Variants in CDC14B observed in about 807,000 individuals in gnomAD.
CDC14B encodes the protein dual specificity protein phosphatase CDC14B.
Under a neutral mutation model 64.2 loss-of-function variants are expected in CDC14B, and 22 were observed. The observed-to-expected ratio is 0.34, with a 90% CI of 0.24 to 0.49. CDC14B has a LOEUF of 0.49. Among genes scored for constraint, CDC14B ranks in the 20% least tolerant of loss-of-function variants. The probability of loss-of-function intolerance (pLI) is 0.99; values close to 1 mark genes in which losing one functional copy is unlikely to be tolerated. For missense variants in CDC14B, 498 were observed against 629.9 expected, an observed-to-expected ratio of 0.79 and a Z score of 2.24; for synonymous variants, 191 against 215.8, an observed-to-expected ratio of 0.89 and a Z score of 1.01.
downstream of CDC14B, among the ~76,000 whole-genome samples, chr9:96,495,642 G>C (rs1833211116): frequency 6.6e-6 from 1 of 152,214 alleles, no homozygotes; most frequent in African/African-American, 2.4e-5. Flanking sequence ...CAGCGGTGAT[G>C]CTGGGGAAGT....
chr9:96,497,355 G>A (rs879102391), downstream of CDC14B, among the ~76,000 whole-genome samples: 79 of 152,362 alleles, frequency 5.2e-4, 1 homozygote, highest in South Asian at 1.5e-3. Context: ...AGGGACCCCC[G>A]AGGCGCTGGG....
chr9:96,588,174 C>T (rs933052014), intron 1 of CDC14B, among the ~76,000 whole-genome samples: 12 of 152,068 alleles, frequency 7.9e-5, no homozygotes, highest in East Asian at 1.9e-4. Flanking sequence ...TGTGTGGAAA[C>T]GCAGGAGAGG....
chr9:96,531,704 AATT>A (rs1303436150), intron 9 of CDC14B, among the ~76,000 whole-genome samples: 1 of 152,166 alleles, frequency 6.6e-6, no homozygotes, highest in Non-Finnish European at 1.5e-5. Context: ...GCAAACGACA[AATT>A]ATTTTACAAA....
chr9:96,567,170 G>A (rs1488830503), intron 1 of CDC14B: 2 of 354,216 alleles, frequency 5.6e-6, no homozygotes, highest in East Asian at 1.3e-4. Flanking sequence ...GCTCCGCAGA[G>A]GGGACATGCG....
chr9:96,579,892 CTA>C (rs1845042564), intron 1 of CDC14B, among the ~76,000 whole-genome samples: 1 of 152,060 alleles, frequency 6.6e-6, no homozygotes, highest in South Asian at 2.1e-4. Context: ...GAATGCTCTA[CTA>C]TTTTTATCTT....
chr9:96,538,741 T>C, intron 7 of CDC14B: 1 of 194,728 alleles, frequency 5.1e-6, no homozygotes, highest in Non-Finnish European at 1.0e-5. Context: ...TTTTTCAATT[T>C]AAAAAAAGAA....
intron 1 of CDC14B, among the ~76,000 whole-genome samples, chr9:96,588,684 G>C (rs989195238): frequency 6.6e-6 from 1 of 152,036 alleles, no homozygotes; most frequent in African/African-American, 2.4e-5. Context: ...ACAAGGTCTT[G>C]CTATGTTAAC....
At position 96,503,605 on chromosome 9, in the gene CDC14B, C is replaced by G. The variant is rs1587712583; in HGVS notation, c.*148G>C. On this transcript the variant is annotated 3_prime_UTR_variant, in exon 14 of 14. Transcript: ENST00000375241. ...AAACTCAAAGTTCATTATTCAAACT[C>G]CAGTGGACATTTTCTCCATTGATCA... 7 of 667,736 alleles carry G rather than the reference C, an allele frequency of 1.0e-5. No individual in the cohort carries two copies. In the East Asian group the frequency reaches 1.9e-4, roughly 18 times the overall value. 41.4% of individuals were successfully genotyped at this position (667,736 alleles called of 1,614,324 possible).
chr9:96,595,177 A>G (rs145432021), intron 1 of CDC14B, among the ~76,000 whole-genome samples: 1 of 152,188 alleles, frequency 6.6e-6, no homozygotes. Context: ...TTAGCCCTCA[A>G]CTAAGCATTG....
intron 12 of CDC14B, among the ~76,000 whole-genome samples, chr9:96,516,672 C>T (rs1835713697): frequency 6.6e-6 from 1 of 152,130 alleles, no homozygotes; most frequent in Admixed American, 6.5e-5. Flanking sequence ...TACAGGGTTT[C>T]ACCACGTTGG....
chr9:96,494,321 A>G (rs1833162208), intron 13 of CDC14B, among the ~76,000 whole-genome samples: 1 of 152,248 alleles, frequency 6.6e-6, no homozygotes, highest in African/African-American at 2.4e-5. Context: ...GAAAGGAGAC[A>G]TGGAGTGTTT....
downstream of CDC14B, among the ~76,000 whole-genome samples, chr9:96,496,040 C>T (rs1431858662): frequency 4.6e-5 from 7 of 152,124 alleles, no homozygotes; most frequent in African/African-American, 1.7e-4. Context: ...GGCTCCTAGC[C>T]TAAGAAAGTG....
rs16911313 is a variant in CDC14B at position 96,575,407 on chromosome 9, A to G, written c.161-9924T>C. 2.0e-3 allele frequency among the ~76,000 whole-genome samples: 300 copies of G among 152,312 alleles called. 2 individuals are homozygous for G. Among genetic ancestry groups the G allele is most frequent in the Non-Finnish European group, 3.6e-3 (246 of 68,014 alleles). On this transcript the variant is annotated intron_variant, in intron 1 of 13. Coordinates refer to ENST00000375241, the MANE Select transcript of CDC14B (RefSeq NM_033331.4). ...AATCTTATCTACAGAAGCCCTGGAC[A>G]TCTCCCCCAACATTGTTAGTCTCCA... is the stretch of plus-strand genomic sequence containing the variant.
intron 1 of CDC14B, among the ~76,000 whole-genome samples, chr9:96,601,255 T>C (rs563062540): frequency 6.6e-6 from 1 of 152,228 alleles, no homozygotes; most frequent in South Asian, 2.1e-4. Flanking sequence ...TCCCAGCACT[T>C]TGTGAGGCCA....
At chr9:96,505,695 A>ACT (rs1160040956) in intron 13 of CDC14B, among the ~76,000 whole-genome samples, 1 of 152,086 alleles carries the variant, frequency 6.6e-6, no homozygotes, top group Non-Finnish European at 1.5e-5. Context: ...AGAGAAGCCC[A>ACT]CTCACCTCCC....
rs190963663 is a variant in CDC14B, at chr9:96,571,097, C to T, written c.161-5614G>A. 2.5e-3 allele frequency among the ~76,000 whole-genome samples: 377 copies of T among 152,072 alleles called. 1 individual carries two copies. Among genetic ancestry groups the T allele is most frequent in the African/African-American group, 8.8e-3 (364 of 41,462 alleles). On this transcript the variant is annotated intron_variant, in intron 1 of 13. Coordinates refer to ENST00000375241, the MANE Select transcript of CDC14B (RefSeq NM_033331.4). ...ACATATATGAAAAGAAAATGAGATG[C>T]TAATATCACATATTTATAAAACACA...
rs1307175047 is a variant in CDC14B, at chr9:96,604,695, G to GCAAGAC, written c.160+14523_160+14524insGTCTTG. Among the ~76,000 whole-genome samples, 3 of 148,682 alleles carry GCAAGAC rather than the reference G, an allele frequency of 2.0e-5. No individual in the cohort carries two copies. In the East Asian group the frequency reaches 6.1e-4, roughly 30 times the overall value. On this transcript the variant is annotated intron_variant, in intron 1 of 13. Coordinates refer to ENST00000375241, the MANE Select transcript of CDC14B (RefSeq NM_033331.4). ...GGGGGCGGGGCAGGAGGGGGACAGA[G>GCAAGAC]TCTTGCTCTGTCCCCCAGGCTGGAG...
chr9:96,528,004 C>T (rs1265496968), intron 9 of CDC14B, among the ~76,000 whole-genome samples: 1 of 152,198 alleles, frequency 6.6e-6, no homozygotes, highest in Non-Finnish European at 1.5e-5. Flanking sequence ...CCCCAAGTAT[C>T]TCATACAACT....
At chr9:96,568,530 A>G (rs1394608466) in intron 1 of CDC14B, among the ~76,000 whole-genome samples, 5 of 152,168 alleles carry the variant, frequency 3.3e-5, no homozygotes, top group African/African-American at 1.2e-4. Flanking sequence ...GGTTGAGAGC[A>G]CTCACATCCG....
Sources: gnomAD v4.1 joint callset for allele counts (sites outside exome capture counted in the v4.1 genomes callset) on GRCh38, gnomAD v4.1.1 for gene constraint, MANE v1.5 for transcripts, NCBI Gene and HGNC (gene_info 2026-07-23, HGNC 2026-07-21) for gene names.